FSTL5: variants seen among roughly 807,000 people sequenced by gnomAD.
FSTL5 encodes the protein follistatin-related protein 5.
FSTL5 carries 62 observed loss-of-function variants against 89.1 expected under a neutral mutation model. The observed-to-expected ratio is 0.70, with a 90% confidence interval of 0.57 to 0.86. FSTL5 has a LOEUF of 0.86. Ranked by LOEUF, FSTL5 falls within the 40% of genes least tolerant of loss-of-function variation. FSTL5 has a pLI of 0.00. For synonymous variants in FSTL5, 383 were observed against 346.2 expected, an observed-to-expected ratio of 1.11 and a Z score of -1.18; for missense variants, 1,057 against 1,001.6, an observed-to-expected ratio of 1.06 and a Z score of -0.75.
At chr4:161,756,732 G>T (rs1740584902) in intron 6 of FSTL5, among the ~76,000 whole-genome samples, 1 of 152,182 alleles carries the variant, frequency 6.6e-6, no homozygotes, top group African/African-American at 2.4e-5. Flanking sequence ...GCCAGGGATT[G>T]CTTTTCAGTG....
At chr4:161,615,437 T>C (rs1056552829) in intron 7 of FSTL5, among the ~76,000 whole-genome samples, 2 of 120,448 alleles carry the variant, frequency 1.7e-5, no homozygotes, top group African/African-American at 3.3e-5. Context: ...AGGGCGAGAC[T>C]CCATCTCAAA....
intron 11 of FSTL5, 95 bp from the exon 12 acceptor site, chr4:161,500,229 C>T: frequency 1.3e-6 from 1 of 745,664 alleles, no homozygotes; most frequent in South Asian, 1.8e-5. Flanking sequence ...AGCAGGAGAC[C>T]AATTTTCGAA....
chr4:161,654,863 C>T (rs1327592453), intron 7 of FSTL5, among the ~76,000 whole-genome samples: 1 of 152,064 alleles, frequency 6.6e-6, no homozygotes, highest in African/African-American at 2.4e-5. Context: ...TACTTTTCAT[C>T]TTGTAGGATA....
chr4:161,584,291 C>G (rs1733533924), intron 8 of FSTL5, among the ~76,000 whole-genome samples: 1 of 152,196 alleles, frequency 6.6e-6, no homozygotes, highest in Non-Finnish European at 1.5e-5. Context: ...CCTCATGCTC[C>G]TACACTGTGA....
chr4:161,968,007 T>C (rs1481754013), intron 3 of FSTL5, among the ~76,000 whole-genome samples: 1 of 152,038 alleles, frequency 6.6e-6, no homozygotes, highest in African/African-American at 2.4e-5. Context: ...AATACTTGTG[T>C]ATTTTCTTTT....
chr4:162,010,761 A>T (rs1480455739), intron 3 of FSTL5, among the ~76,000 whole-genome samples: 1 of 152,216 alleles, frequency 6.6e-6, no homozygotes, highest in Non-Finnish European at 1.5e-5. Flanking sequence ...CTGTGTTGTA[A>T]CCTGTGTCAG....
chr4:162,005,165 G>T (rs944889907), intron 3 of FSTL5, among the ~76,000 whole-genome samples: 1 of 152,054 alleles, frequency 6.6e-6, no homozygotes, highest in East Asian at 1.9e-4. Flanking sequence ...CACCTGTGTT[G>T]TTCTGTCTAC....
At chr4:161,459,724 CTA>C (rs1733493917) in intron 13 of FSTL5, among the ~76,000 whole-genome samples, 1 of 151,750 alleles carries the variant, frequency 6.6e-6, no homozygotes, top group Non-Finnish European at 1.5e-5. Context: ...CAGGTGAGAA[CTA>C]TGTTTACACT....
chr4:161,881,282 G>GAC (rs200907985), intron 4 of FSTL5, among the ~76,000 whole-genome samples: 4 of 150,572 alleles, frequency 2.7e-5, no homozygotes, highest in Non-Finnish European at 3.0e-5. Context: ...GTTCTTTGAA[G>GAC]ACACACACAC....
intron 15 of FSTL5, among the ~76,000 whole-genome samples, chr4:161,439,029 G>A (rs1487554338): frequency 6.6e-6 from 1 of 151,490 alleles, no homozygotes; most frequent in Non-Finnish European, 1.5e-5. Flanking sequence ...TAATAAATGA[G>A]CATGCTTATT....
chr4:161,736,919 A>G (rs987586835), intron 6 of FSTL5, among the ~76,000 whole-genome samples: 4 of 152,176 alleles, frequency 2.6e-5, no homozygotes, highest in Admixed American at 1.3e-4. Flanking sequence ...AGTGAGCAAT[A>G]CTCTAAGTAA....
At chr4:161,908,906 T>G (rs1733613173) in intron 4 of FSTL5, among the ~76,000 whole-genome samples, 1 of 152,124 alleles carries the variant, frequency 6.6e-6, no homozygotes, top group African/African-American at 2.4e-5. Flanking sequence ...GTTGTCAATC[T>G]CCTTTTTTTG....
At position 161,655,014 on chromosome 4, in the gene FSTL5, G is replaced by A. The variant is rs117626555; in HGVS notation, c.894+1314C>T. On this transcript the variant is annotated intron_variant, in intron 7 of 15. Coordinates refer to ENST00000306100, the MANE Select transcript of FSTL5 (RefSeq NM_020116.5). ...TTAAATTCCAAATTTCTAAAAATGA[G>A]CCTGAGTAGAAAAACATGTTCTTTC... Among the ~76,000 whole-genome samples, 913 of 152,144 alleles carry A rather than the reference G, an allele frequency of 6.0e-3. 9 individuals are homozygous for A. Among genetic ancestry groups the A allele is most frequent in the South Asian group, 0.045 (219 of 4,820 alleles).
chr4:161,622,300 G>A (rs149517502), intron 7 of FSTL5, among the ~76,000 whole-genome samples: 2,157 of 151,998 alleles, frequency 0.014, 50 homozygotes, highest in African/African-American at 0.047. Flanking sequence ...TCCTGGAAAG[G>A]TTAAGAAATT....
chr4:161,840,649 C>T (rs1579132297), intron 4 of FSTL5, among the ~76,000 whole-genome samples: 2 of 152,278 alleles, frequency 1.3e-5, no homozygotes, highest in African/African-American at 4.8e-5. Flanking sequence ...TTCTCCTCAA[C>T]TAATCTCACT....
At chr4:162,042,744 C>G (rs1440107511) in intron 2 of FSTL5, among the ~76,000 whole-genome samples, 1 of 151,658 alleles carries the variant, frequency 6.6e-6, no homozygotes, top group Non-Finnish European at 1.5e-5. Flanking sequence ...TTGAAAAATA[C>G]TATGGAAAAG....
chr4:161,795,566 G>T (rs2126824317), intron 4 of FSTL5, among the ~76,000 whole-genome samples: 1 of 152,140 alleles, frequency 6.6e-6, no homozygotes, highest in Non-Finnish European at 1.5e-5. Context: ...TACACAGAGT[G>T]AAATTGGTAC....
At chr4:161,430,401 C>T (rs1732316672) in intron 15 of FSTL5, among the ~76,000 whole-genome samples, 1 of 152,100 alleles carries the variant, frequency 6.6e-6, no homozygotes, top group Admixed American at 6.5e-5. Context: ...GGTTATAGAA[C>T]ACCAAGCAGA....
intron 12 of FSTL5, among the ~76,000 whole-genome samples, chr4:161,495,806 C>G (rs2126477146): frequency 6.6e-6 from 1 of 152,180 alleles, no homozygotes; most frequent in East Asian, 1.9e-4. Context: ...TATTTAATCC[C>G]TTTTCATGGG....
Sources: gnomAD v4.1 joint callset for allele counts (sites outside exome capture counted in the v4.1 genomes callset) on GRCh38, gnomAD v4.1.1 for gene constraint, MANE v1.5 for transcripts, NCBI Gene and HGNC (gene_info 2026-07-23, HGNC 2026-07-21) for gene names.